CDH9: variants seen among roughly 807,000 people sequenced by gnomAD.
The protein encoded by CDH9 is cadherin 9, also known as cadherin-9.
CDH9 carries 28 observed loss-of-function variants against 70.9 expected under a neutral mutation model. The ratio of observed to expected loss-of-function variants is 0.40; its 90% CI spans 0.29 to 0.54. The LOEUF (loss-of-function observed/expected upper bound fraction) is 0.54, where lower values mean the gene tolerates loss of function less well. Ranked by LOEUF, CDH9 falls within the 20% of genes least tolerant of loss-of-function variation. The probability of loss-of-function intolerance (pLI) is 0.59; values close to 1 mark genes in which losing one functional copy is unlikely to be tolerated. For missense variants in CDH9, 874 were observed against 984.4 expected (o/e 0.89, Z 1.50); for synonymous variants, 409 against 343.1 (o/e 1.19, Z -2.12).
rs745496451 is a variant in CDH9 at position 26,903,822 on chromosome 5, T to C, written c.814A>G (p.Thr272Ala). The C allele has an allele frequency of 2.0e-6, 3 of 1,509,142 alleles. No homozygotes were observed. The highest frequency in any genetic ancestry group is 2.7e-6 in the Non-Finnish European group (3 of 1,114,550). The allele number at this position is 1,509,142 out of a possible 1,614,324, so 93.5% of individuals were successfully genotyped here. The change falls in exon 6 of 12, where the codon ACG becomes GCG. Residue 272 changes from threonine (T) to alanine (A), a missense_variant and splice_region_variant. Thr to Ala is a moderately conservative substitution (Grantham distance 58). Coordinates refer to ENST00000231021, the MANE Select transcript of CDH9 (RefSeq NM_016279.4). ...NNNPPRFPQS[T>A]YQFNSPESVP... is the part of the protein sequence containing the mutation. ...GACTCAGGAGAATTAAATTGATACG[T>C]ACCTATAAATTAAGTAAGAGCTGTT...
intron 2 of CDH9, among the ~76,000 whole-genome samples, chr5:26,975,692 C>G (rs2112078345): frequency 6.6e-6 from 1 of 152,188 alleles, no homozygotes; most frequent in Non-Finnish European, 1.5e-5. Context: ...CCCAAACAAA[C>G]AAATATACAG....
intron 1 of CDH9, among the ~76,000 whole-genome samples, chr5:26,991,604 C>T (rs1742579608): frequency 6.6e-6 from 1 of 152,092 alleles, no homozygotes; most frequent in African/African-American, 2.4e-5. Flanking sequence ...ATCAATTGCC[C>T]AAAAATCCTT....
At chr5:26,891,810 C>G (rs966907906) in intron 7 of CDH9, among the ~76,000 whole-genome samples, 2 of 152,186 alleles carry the variant, frequency 1.3e-5, no homozygotes, top group African/African-American at 4.8e-5. Context: ...GGCTTTAAAG[C>G]TGAAGGAATG....
intron 3 of CDH9, among the ~76,000 whole-genome samples, chr5:26,910,121 T>G (rs991560569): frequency 2.0e-5 from 3 of 152,124 alleles, no homozygotes; most frequent in African/African-American, 7.2e-5. Flanking sequence ...TCTATATATT[T>G]GTGCCTTATA....
chr5:26,918,618 C>T (rs1741189609), intron 2 of CDH9, among the ~76,000 whole-genome samples: 1 of 152,160 alleles, frequency 6.6e-6, no homozygotes, highest in Admixed American at 6.5e-5. Flanking sequence ...AAGTGGATTG[C>T]ACACCTCAGT....
At chr5:26,954,648 T>A (rs188074175) in intron 2 of CDH9, among the ~76,000 whole-genome samples, 1 of 152,134 alleles carries the variant, frequency 6.6e-6, no homozygotes, top group East Asian at 1.9e-4. Flanking sequence ...CCTCCTAAAG[T>A]GCAGGGATTA....
intron 1 of CDH9, among the ~76,000 whole-genome samples, chr5:27,035,019 C>CTA (rs1743368170): frequency 6.6e-6 from 1 of 151,032 alleles, no homozygotes; most frequent in Admixed American, 6.6e-5. Flanking sequence ...ATAATCTATA[C>CTA]AACTCTATCT....
chr5:26,906,616 A>G (rs1013262239), intron 4 of CDH9, 103 bp downstream of exon 4: 16 of 1,419,786 alleles, frequency 1.1e-5, no homozygotes, highest in African/African-American at 1.4e-5. Flanking sequence ...AGAAACATGA[A>G]ACTGAAAGAA....
At chr5:27,027,607 A>C in intron 1 of CDH9, among the ~76,000 whole-genome samples, 1 of 152,202 alleles carries the variant, frequency 6.6e-6, no homozygotes, top group African/African-American at 2.4e-5. Context: ...ATAGAGTATA[A>C]CTAATTTTTG....
intron 1 of CDH9, among the ~76,000 whole-genome samples, chr5:26,988,939 C>T (rs182238203): frequency 6.6e-6 from 1 of 152,044 alleles, no homozygotes; most frequent in Admixed American, 6.6e-5. Flanking sequence ...TTGTGTCTTG[C>T]AATACTTAGC....
At chr5:27,010,600 G>A (rs536892545) in intron 1 of CDH9, among the ~76,000 whole-genome samples, 1 of 152,112 alleles carries the variant, frequency 6.6e-6, no homozygotes, top group Non-Finnish European at 1.5e-5. Context: ...CCTACATTGA[G>A]TGCAGGATCT....
chr5:26,885,918 G>C (rs749075979), intron 10 of CDH9, 48 bp downstream of exon 10: 1 of 1,598,212 alleles, frequency 6.3e-7, no homozygotes, highest in African/African-American at 1.4e-5. Context: ...GTTTTTAACT[G>C]TGTATCTTAA....
At chr5:26,949,371 G>T (rs1467178733) in intron 2 of CDH9, among the ~76,000 whole-genome samples, 1 of 152,214 alleles carries the variant, frequency 6.6e-6, no homozygotes, top group Non-Finnish European at 1.5e-5. Flanking sequence ...TTAGGTGGAA[G>T]AAAATGTAAT....
chr5:26,967,091 C>A (rs898978833), intron 2 of CDH9, among the ~76,000 whole-genome samples: 2 of 151,872 alleles, frequency 1.3e-5, no homozygotes, highest in African/African-American at 4.8e-5. Context: ...CCACACCACG[C>A]CTGGCTAATT....
chr5:26,934,440 C>G (rs79073033), intron 2 of CDH9, among the ~76,000 whole-genome samples: 14,706 of 152,050 alleles, frequency 0.097, 893 homozygotes, highest in East Asian at 0.19. Context: ...ACTCTAGCCT[C>G]GGCTACAGAA....
chr5:27,006,760 C>T (rs1742871424), intron 1 of CDH9, among the ~76,000 whole-genome samples: 1 of 151,994 alleles, frequency 6.6e-6, no homozygotes, highest in South Asian at 2.1e-4. Flanking sequence ...TCATGCTGCT[C>T]CCATGGAATA....
rs1051676918 is a variant in CDH9 at position 26,934,996 on chromosome 5, T to G, written c.229-19072A>C. Among the ~76,000 whole-genome samples the G allele has an allele frequency of 3.3e-5, 5 of 150,990 alleles. No individual in the cohort carries two copies. In the East Asian group the frequency reaches 9.7e-4, roughly 29 times the overall value. ...TGGATGTAAAAATTATCAAAATAAA[T>G]TATCAGATATAATCCAATAGTGTAT... On this transcript the variant is annotated intron_variant, in intron 2 of 11. Transcript: ENST00000231021.
At chr5:26,970,495 C>T (rs1742200669) in intron 2 of CDH9, among the ~76,000 whole-genome samples, 1 of 152,078 alleles carries the variant, frequency 6.6e-6, no homozygotes, top group Non-Finnish European at 1.5e-5. Context: ...GACATGATTT[C>T]ATGTATTGCA....
intron 2 of CDH9, among the ~76,000 whole-genome samples, chr5:26,958,708 C>T (rs967966369): frequency 6.6e-6 from 1 of 152,120 alleles, no homozygotes; most frequent in Non-Finnish European, 1.5e-5. Flanking sequence ...AAATAATTTA[C>T]ATTCATTTAT....
Sources: gnomAD v4.1 joint callset for allele counts (sites outside exome capture counted in the v4.1 genomes callset) on GRCh38, gnomAD v4.1.1 for gene constraint, MANE v1.5 for transcripts, NCBI Gene and HGNC (gene_info 2026-07-23, HGNC 2026-07-21) for gene names.